Variants in DIP2C observed in about 807,000 individuals in gnomAD.
DIP2C encodes the protein DIP2 acetate--CoA ligase C (putative).
A neutral mutation model predicts 192.4 loss-of-function variants in DIP2C; 33 were observed. The observed-to-expected ratio is 0.17, with a 90% CI of 0.13 to 0.23. The LOEUF is 0.23. DIP2C is among the 10% of genes least tolerant of loss of function. The pLI, the probability that DIP2C is intolerant of heterozygous loss-of-function variation, is 1.00. For synonymous variants in DIP2C, 979 were observed against 864.1 expected (o/e 1.13, Z -2.33); for missense variants, 1,537 against 2,110.1 (o/e 0.73, Z 5.32).
chr10:633,039 G>A (rs1277737181), intron 1 of DIP2C, among the ~76,000 whole-genome samples: 3 of 152,232 alleles, frequency 2.0e-5, no homozygotes, highest in African/African-American at 4.8e-5. Context: ...ACCAGAACCC[G>A]TTCTGCAGCT....
At chr10:350,067 C>T (rs1368647961) in intron 24 of DIP2C, among the ~76,000 whole-genome samples, 1 of 152,134 alleles carries the variant, frequency 6.6e-6, no homozygotes, top group Non-Finnish European at 1.5e-5. Context: ...AAGATATATA[C>T]CAAGAAACAT....
chr10:596,772 C>T (rs1242506462), intron 1 of DIP2C, among the ~76,000 whole-genome samples: 1 of 152,144 alleles, frequency 6.6e-6, no homozygotes, highest in African/African-American at 2.4e-5. Context: ...AAATAAGGAG[C>T]CATTGGTGGC....
chr10:340,819 G>A (rs1958107683), intron 29 of DIP2C: 1 of 460,300 alleles, frequency 2.2e-6, no homozygotes, highest in South Asian at 1.5e-5. Context: ...TAACAGCTGG[G>A]GTGAAGCCTG....
At chr10:440,647 T>A (rs538428750) in intron 4 of DIP2C, among the ~76,000 whole-genome samples, 2 of 152,364 alleles carry the variant, frequency 1.3e-5, no homozygotes, top group South Asian at 2.1e-4. Flanking sequence ...ATCATATGTA[T>A]GAGTCTTGAT....
At chr10:528,046 G>C (rs937109844) in intron 1 of DIP2C, among the ~76,000 whole-genome samples, 1 of 152,088 alleles carries the variant, frequency 6.6e-6, no homozygotes. Flanking sequence ...CGTGTCCTTG[G>C]GAATGTAGGG....
intron 3 of DIP2C, among the ~76,000 whole-genome samples, chr10:449,739 A>C (rs1968674317): frequency 1.3e-5 from 2 of 150,324 alleles, no homozygotes; most frequent in African/African-American, 5.0e-5. Context: ...TATGTAACTA[A>C]CCTGCACAAT....
intron 5 of DIP2C, among the ~76,000 whole-genome samples, chr10:419,803 A>C (rs1322528202): frequency 6.6e-6 from 1 of 152,222 alleles, no homozygotes; most frequent in Non-Finnish European, 1.5e-5. Flanking sequence ...ACAGTCATTC[A>C]AAAAACCACG....
intron 1 of DIP2C, among the ~76,000 whole-genome samples, chr10:587,116 C>T (rs1307543821): frequency 2.0e-5 from 3 of 147,944 alleles, no homozygotes; most frequent in East Asian, 2.0e-4. Context: ...GATAGCGTGG[C>T]GAGGGGCAAA....
At chr10:438,571 C>T (rs1389940511) in intron 4 of DIP2C, among the ~76,000 whole-genome samples, 1 of 151,884 alleles carries the variant, frequency 6.6e-6, no homozygotes, top group African/African-American at 2.4e-5. Context: ...CTCACTGCAG[C>T]CTCAGCCTCC....
chr10:529,070 C>A (rs539727298), intron 1 of DIP2C, among the ~76,000 whole-genome samples: 21 of 152,168 alleles, frequency 1.4e-4, no homozygotes, highest in Non-Finnish European at 2.2e-4. Context: ...TAGAACCTGC[C>A]CAAGTCGAGT....
intron 3 of DIP2C, among the ~76,000 whole-genome samples, chr10:470,473 A>G (rs1184183499): frequency 6.6e-6 from 1 of 152,106 alleles, no homozygotes; most frequent in Non-Finnish European, 1.5e-5. Flanking sequence ...AGGTGAGGTA[A>G]GGTGCACGGA....
chr10:641,347 A>G (rs1855186909), intron 1 of DIP2C, among the ~76,000 whole-genome samples: 1 of 152,032 alleles, frequency 6.6e-6, no homozygotes, highest in South Asian at 2.1e-4. Flanking sequence ...CTATTCCTGC[A>G]CTCAGACCCC....
Position 342,093 on chromosome 10 carries a change from T to C in DIP2C, c.3454-764A>G, listed in dbSNP as rs1564583786. Among the ~76,000 whole-genome samples, 7 of 152,240 alleles carry C rather than the reference T, an allele frequency of 4.6e-5. No individual in the cohort carries two copies. In the East Asian group the frequency reaches 1.4e-3, roughly 29 times the overall value. On this transcript the variant is annotated intron_variant, in intron 28 of 36. Coordinates refer to ENST00000280886, the MANE Select transcript of DIP2C (RefSeq NM_014974.3). ...TTGGTCCTCCAGGACCTAGCAACTC[T>C]AGCTATTGAAATAGTGCGTTTGAAC...
intron 1 of DIP2C, among the ~76,000 whole-genome samples, chr10:543,604 C>T (rs890501922): frequency 3.9e-5 from 6 of 152,168 alleles, no homozygotes; most frequent in African/African-American, 1.4e-4. Flanking sequence ...GTTGTGTCTC[C>T]TAGGCTCAAA....
chr10:280,679 A>G (rs1467367240), intron 36 of DIP2C, among the ~76,000 whole-genome samples: 1 of 152,274 alleles, frequency 6.6e-6, no homozygotes, highest in African/African-American at 2.4e-5. Flanking sequence ...CTGGGCCCAG[A>G]GCAGAGTCTG....
At chr10:361,946 T>TGGG (rs1367578766) in intron 22 of DIP2C, among the ~76,000 whole-genome samples, 1 of 149,774 alleles carries the variant, frequency 6.7e-6, no homozygotes, top group African/African-American at 2.5e-5. Flanking sequence ...AGAACAACAG[T>TGGG]GTGGGGGGAA....
chr10:683,246 G>C (rs1364782955), intron 1 of DIP2C, among the ~76,000 whole-genome samples: 1 of 152,244 alleles, frequency 6.6e-6, no homozygotes, highest in Non-Finnish European at 1.5e-5. Flanking sequence ...AAAGAAGGCA[G>C]GACGGTTGTG....
intron 3 of DIP2C, among the ~76,000 whole-genome samples, chr10:468,406 T>C (rs558458581): frequency 6.6e-6 from 1 of 152,042 alleles, no homozygotes; most frequent in Admixed American, 6.5e-5. Flanking sequence ...CACCTGAGAC[T>C]TCACAGGCAA....
In DIP2C at chr10:472,502, A is replaced by T. The variant is rs745417656; in HGVS notation, c.205T>A (p.Ser69Thr). ...CGGCGGTGGTAGCGAGAGGCGGAGG[A>T]AGGAGTGACAGGAGCCCGGCGTTCT... is the stretch of plus-strand genomic sequence containing the variant. ...PQERRAPVTP[S>T]SASRYHRRRS... is the part of the protein sequence containing the mutation. Residue 69 changes from serine to threonine, a missense_variant, in exon 3 of 37, where the codon TCC (serine) becomes ACC (threonine). Physicochemically the swap from Ser to Thr is moderately conservative, Grantham distance 58. Around this residue, in one of 4 missense-constraint regions of DIP2C, gnomAD observed 473 missense variants for 539.6 expected, o/e 0.88. Transcript: ENST00000280886. The T allele has an allele frequency of 1.5e-5, 25 of 1,614,072 alleles. No individual in the cohort carries two copies. The highest frequency in any genetic ancestry group is 2.1e-5 in the Non-Finnish European group (25 of 1,180,040).
Sources: gnomAD v4.1 joint callset for allele counts (sites outside exome capture counted in the v4.1 genomes callset) on GRCh38, gnomAD v4.1.1 for gene constraint, gnomAD v4.1.1 regional missense constraint, MANE v1.5 for transcripts, NCBI Gene and HGNC (gene_info 2026-07-23, HGNC 2026-07-21) for gene names.